The following ASTN2 variants were observed in gnomAD, a reference collection of about 807,000 sequenced individuals.
The protein encoded by ASTN2 is astrotactin 2.
Under a neutral mutation model 139.8 loss-of-function variants are expected in ASTN2, and 54 were observed. That is an observed-to-expected ratio of 0.39 (90% CI 0.31 to 0.48). The LOEUF is 0.48. Among genes scored for constraint, ASTN2 ranks in the 20% least tolerant of loss-of-function variants. ASTN2 has a pLI of 0.95. For synonymous variants in ASTN2, 756 were observed against 719.5 expected (o/e 1.05, Z -0.81); for missense variants, 1,565 against 1,725.1 (o/e 0.91, Z 1.64).
chr9:116,639,275 G>A (rs1399294984), intron 17 of ASTN2, among the ~76,000 whole-genome samples: 1 of 152,114 alleles, frequency 6.6e-6, no homozygotes, highest in Non-Finnish European at 1.5e-5. Flanking sequence ...TCTCCTCTCA[G>A]GATATGAATT....
At chr9:117,341,240 TGTTC>T (rs1370152928) in intron 1 of ASTN2, among the ~76,000 whole-genome samples, 2 of 151,838 alleles carry the variant, frequency 1.3e-5, no homozygotes, top group Non-Finnish European at 2.9e-5. Context: ...AGAAAGTAAA[TGTTC>T]ATGAATCAAA....
chr9:117,139,532 A>T (rs1056951004), intron 4 of ASTN2, among the ~76,000 whole-genome samples: 1 of 152,158 alleles, frequency 6.6e-6, no homozygotes, highest in Non-Finnish European at 1.5e-5. Flanking sequence ...TTCTGCCTCA[A>T]TTTGTGATCT....
At chr9:116,438,943 T>A (rs1281450563) in intron 22 of ASTN2, among the ~76,000 whole-genome samples, 1 of 151,950 alleles carries the variant, frequency 6.6e-6, no homozygotes, top group Non-Finnish European at 1.5e-5. Context: ...ACAGCGAAAC[T>A]CCATGTCAAA....
chr9:117,053,455 A>G (rs1838972715), intron 5 of ASTN2, among the ~76,000 whole-genome samples: 1 of 103,664 alleles, frequency 9.6e-6, no homozygotes, highest in Non-Finnish European at 2.1e-5. Context: ...CTGTCTCTTG[A>G]AAAAAAAACT....
intron 11 of ASTN2, among the ~76,000 whole-genome samples, chr9:116,826,238 GC>G (rs1205420312): frequency 6.6e-6 from 1 of 152,166 alleles, no homozygotes; most frequent in Non-Finnish European, 1.5e-5. Context: ...AATACCCACT[GC>G]CCTGCAAGGG....
chr9:117,035,757 G>T (rs1410672333), intron 6 of ASTN2, among the ~76,000 whole-genome samples: 1 of 152,122 alleles, frequency 6.6e-6, no homozygotes, highest in African/African-American at 2.4e-5. Flanking sequence ...CATCCACCTG[G>T]CTTCAAATGC....
At chr9:117,360,067 C>A (rs917049608) in intron 1 of ASTN2, among the ~76,000 whole-genome samples, 3 of 152,136 alleles carry the variant, frequency 2.0e-5, no homozygotes, top group African/African-American at 4.8e-5. Context: ...ATCTTATTGA[C>A]TCTGACCCCT....
At chr9:116,602,120 CA>C (rs976645646) in intron 19 of ASTN2, among the ~76,000 whole-genome samples, 4 of 152,074 alleles carry the variant, frequency 2.6e-5, no homozygotes, top group Admixed American at 2.0e-4. Flanking sequence ...GTTTATGACC[CA>C]AAAATGTCAC....
At chr9:116,972,912 A>G (rs550794147) in intron 10 of ASTN2, among the ~76,000 whole-genome samples, 2 of 152,338 alleles carry the variant, frequency 1.3e-5, no homozygotes, top group South Asian at 4.1e-4. Flanking sequence ...ATTCCAGGGC[A>G]GTATTATTGG....
chr9:116,444,154 C>G (rs1453594454), intron 20 of ASTN2, among the ~76,000 whole-genome samples: 1 of 152,094 alleles, frequency 6.6e-6, no homozygotes, highest in Non-Finnish European at 1.5e-5. Flanking sequence ...TGCCCAGAAC[C>G]ACATAGTAAT....
At chr9:116,932,727 C>T (rs535695942) in intron 10 of ASTN2, among the ~76,000 whole-genome samples, 40 of 152,126 alleles carry the variant, frequency 2.6e-4, no homozygotes, top group East Asian at 5.8e-4. Context: ...AATTCCAGGC[C>T]GGGCATGGTG....
intron 13 of ASTN2, among the ~76,000 whole-genome samples, chr9:116,737,208 C>T (rs1343503001): frequency 6.6e-6 from 1 of 152,194 alleles, no homozygotes; most frequent in African/African-American, 2.4e-5. Flanking sequence ...GGGCGATGGC[C>T]ACAAGTCCTG....
intron 1 of ASTN2, among the ~76,000 whole-genome samples, chr9:117,351,975 A>C (rs567497863): frequency 3.3e-5 from 5 of 152,288 alleles, no homozygotes; most frequent in African/African-American, 1.2e-4. Flanking sequence ...ATACAGATAA[A>C]AATGTCCTAA....
chr9:117,003,940 A>ACGCGCGCG (rs772588901), intron 7 of ASTN2, among the ~76,000 whole-genome samples: 1 of 144,534 alleles, frequency 6.9e-6, no homozygotes, highest in African/African-American at 2.7e-5. Flanking sequence ...TGTTTCTTTC[A>ACGCGCGCG]CGCGCGCGCG....
At chr9:116,777,723 T>C (rs1050263919) in intron 13 of ASTN2, among the ~76,000 whole-genome samples, 5 of 152,218 alleles carry the variant, frequency 3.3e-5, no homozygotes, top group Non-Finnish European at 2.9e-5. Context: ...AAACACTCTA[T>C]TCCAGTTCCG....
At chr9:116,474,473 T>C (rs572681364) in intron 20 of ASTN2, among the ~76,000 whole-genome samples, 1 of 152,138 alleles carries the variant, frequency 6.6e-6, no homozygotes, top group Non-Finnish European at 1.5e-5. Context: ...ATGCCAGAAG[T>C]CTGGATTCCG....
chr9:117,159,108 C>T (rs566314440), intron 3 of ASTN2, among the ~76,000 whole-genome samples: 1 of 151,890 alleles, frequency 6.6e-6, no homozygotes, highest in Non-Finnish European at 1.5e-5. Flanking sequence ...TGGGTAATTG[C>T]AAAAAGTGCT....
intron 20 of ASTN2, among the ~76,000 whole-genome samples, chr9:116,454,908 G>A (rs1006114198): frequency 1.3e-5 from 2 of 152,122 alleles, no homozygotes; most frequent in African/African-American, 4.8e-5. Context: ...GGAAGAGGGA[G>A]GGATAGCATT....
intron 3 of ASTN2, among the ~76,000 whole-genome samples, chr9:117,149,605 G>A (rs1330563139): frequency 2.0e-5 from 3 of 152,006 alleles, no homozygotes; most frequent in African/African-American, 7.3e-5. Context: ...CACCTAAGCT[G>A]GGAAGACCCA....
Sources: gnomAD v4.1 joint callset for allele counts (sites outside exome capture counted in the v4.1 genomes callset) on GRCh38, gnomAD v4.1.1 for gene constraint, MANE v1.5 for transcripts, NCBI Gene and HGNC (gene_info 2026-07-23, HGNC 2026-07-21) for gene names.